Variants in NBEA observed in about 807,000 individuals in gnomAD.
NBEA encodes neurobeachin.
A neutral mutation model predicts 343.4 loss-of-function variants in NBEA; 44 were observed. The ratio of observed to expected loss-of-function variants is 0.13; its 90% CI spans 0.10 to 0.16. NBEA has a LOEUF of 0.16. NBEA is among the 10% of genes least tolerant of loss of function. The pLI is 1.00. For synonymous variants in NBEA, 1,175 were observed against 1,238.7 expected, an observed-to-expected ratio of 0.95 and a Z score of 1.08; for missense variants, 2,555 against 3,631.3, an observed-to-expected ratio of 0.70 and a Z score of 7.62.
chr13:35,250,251 T>G (rs934505237), intron 34 of NBEA, among the ~76,000 whole-genome samples: 3 of 152,140 alleles, frequency 2.0e-5, no homozygotes, highest in African/African-American at 7.2e-5. Flanking sequence ...AGTTTACCCA[T>G]AGACTGGAAA....
Position 35,628,187 on chromosome 13 carries a change from A to T in NBEA, c.7556A>T (p.His2519Leu). The change falls in exon 49 of 59, where the codon CAC (histidine) becomes CTC (leucine). Residue 2519 changes from histidine (H) to leucine (L), a missense_variant. Physicochemically the swap from His to Leu is moderately conservative, Grantham distance 99. This residue lies in a region of NBEA where 87 missense variants were observed against 75.0 expected (regional missense o/e 1.16). Transcript: ENST00000379939. The stretch of plus-strand genomic sequence containing the variant: ...GCAGTTCGTGCTCTGAATGTTTTTC[A>T]CTACTTGACTTATGAAGGCTCTGTG... ...PEAVRALNVF[H>L]YLTYEGSVNL... is the part of the protein sequence containing the mutation. 2 of 1,613,266 alleles carry T rather than the reference A, an allele frequency of 1.2e-6. No individual in the cohort carries two copies. Among genetic ancestry groups the T allele is most frequent in the Non-Finnish European group, 1.7e-6 (2 of 1,179,502 alleles).
intron 1 of NBEA, among the ~76,000 whole-genome samples, chr13:34,944,588 T>A (rs1199795203): frequency 1.3e-5 from 2 of 152,204 alleles, no homozygotes; most frequent in African/African-American, 4.8e-5. Context: ...CCAAGTTCTT[T>A]TCAGAACACT....
chr13:35,492,432 C>T (rs1388618184), intron 41 of NBEA, among the ~76,000 whole-genome samples: 3 of 151,674 alleles, frequency 2.0e-5, no homozygotes, highest in African/African-American at 4.8e-5. Flanking sequence ...GGTATTTGAA[C>T]ATATTTAGGG....
intron 51 of NBEA, among the ~76,000 whole-genome samples, chr13:35,648,467 C>T (rs936652282): frequency 5.3e-5 from 8 of 151,862 alleles, no homozygotes; most frequent in Non-Finnish European, 5.9e-5. Flanking sequence ...GTTTTATTCC[C>T]GTGTTAGTTT....
At chr13:35,312,414 A>C (rs975611026) in intron 36 of NBEA, among the ~76,000 whole-genome samples, 1 of 152,210 alleles carries the variant, frequency 6.6e-6, no homozygotes, top group Admixed American at 6.5e-5. Flanking sequence ...CGGCAAGAGA[A>C]TAGTGAGACA....
At chr13:35,539,500 A>G (rs1420174893) in intron 41 of NBEA, among the ~76,000 whole-genome samples, 2 of 152,190 alleles carry the variant, frequency 1.3e-5, no homozygotes, top group Non-Finnish European at 1.5e-5. Flanking sequence ...CACTTTTTAA[A>G]TACCTACTAT....
At chr13:34,986,556 T>A (rs1176277559) in intron 1 of NBEA, among the ~76,000 whole-genome samples, 2 of 150,848 alleles carry the variant, frequency 1.3e-5, no homozygotes, top group Non-Finnish European at 3.0e-5. Context: ...TAGGTCTGCT[T>A]GGTGCAGAGC....
intron 1 of NBEA, among the ~76,000 whole-genome samples, chr13:35,000,170 T>C (rs184097763): frequency 1.3e-5 from 2 of 152,246 alleles, no homozygotes; most frequent in East Asian, 3.9e-4. Flanking sequence ...CAGAAACTTT[T>C]TCATAGATCA....
intron 36 of NBEA, among the ~76,000 whole-genome samples, chr13:35,346,959 A>G (rs1227835472): frequency 1.3e-5 from 2 of 152,142 alleles, no homozygotes; most frequent in Admixed American, 1.3e-4. Flanking sequence ...GGAAGATGCC[A>G]CAAAGATATT....
At chr13:35,541,722 ATGGG>A (rs964740798) in intron 41 of NBEA, among the ~76,000 whole-genome samples, 40 of 98,664 alleles carry the variant, frequency 4.1e-4, no homozygotes, top group Non-Finnish European at 2.1e-5. Context: ...AGAGGTCTGC[ATGGG>A]TGTGTGTGTG....
At chr13:35,226,392 A>T (rs949840958) in intron 33 of NBEA, among the ~76,000 whole-genome samples, 1 of 152,142 alleles carries the variant, frequency 6.6e-6, no homozygotes, top group Non-Finnish European at 1.5e-5. Flanking sequence ...CAGGGAAAGA[A>T]TGTCTCTATC....
intron 34 of NBEA, among the ~76,000 whole-genome samples, chr13:35,239,227 G>A (rs940264405): frequency 2.0e-5 from 3 of 152,020 alleles, no homozygotes; most frequent in Non-Finnish European, 4.4e-5. Context: ...TAGGTGACAG[G>A]TATCTCATTG....
At chr13:35,244,351 G>A (rs1488527936) in intron 34 of NBEA, among the ~76,000 whole-genome samples, 1 of 151,800 alleles carries the variant, frequency 6.6e-6, no homozygotes, top group East Asian at 1.9e-4. Flanking sequence ...AATTATCCCA[G>A]CACCATTTGT....
At chr13:35,638,331 A>C (rs2153071497) in intron 49 of NBEA, among the ~76,000 whole-genome samples, 1 of 152,266 alleles carries the variant, frequency 6.6e-6, no homozygotes, top group South Asian at 2.1e-4. Flanking sequence ...CTATTTACAA[A>C]GGTATAGACA....
intron 1 of NBEA, among the ~76,000 whole-genome samples, chr13:34,959,881 A>G (rs1241860508): frequency 6.6e-6 from 1 of 152,168 alleles, no homozygotes; most frequent in African/African-American, 2.4e-5. Context: ...GTATAAAGGT[A>G]TAGCACATAC....
intron 41 of NBEA, among the ~76,000 whole-genome samples, chr13:35,512,063 T>A (rs765541964): frequency 3.3e-5 from 5 of 152,208 alleles, no homozygotes; most frequent in Admixed American, 6.5e-5. Context: ...ATTCAGGAAT[T>A]TTTAAAACCT....
chr13:35,283,325 G>A (rs2035181276), intron 34 of NBEA, among the ~76,000 whole-genome samples: 1 of 152,100 alleles, frequency 6.6e-6, no homozygotes, highest in Non-Finnish European at 1.5e-5. Context: ...TTTGGGTATT[G>A]TGTAACTACA....
In NBEA at chr13:35,123,482, G is replaced by C; in HGVS notation, c.2244G>C (p.Arg748Ser). The change falls in exon 17 of 59, where the codon AGG (arginine) becomes AGC (serine). Residue 748 changes from arginine (R) to serine (S), a missense_variant and splice_region_variant. Physicochemically the swap from Arg to Ser is moderately radical, Grantham distance 110. Coordinates refer to ENST00000379939, the MANE Select transcript of NBEA (RefSeq NM_001385012.1). The part of the protein sequence containing the change: ...IPAFDQRNGI[R>S]VIYKLLASKS... ...AAAAGATAATTTATATATTTTGTAG[G>C]GTGATCTACAAATTATTGGCTTCTA... 6.8e-7 allele frequency: 1 copy of C among 1,478,688 alleles called. No homozygotes were observed. 91.6% of individuals were successfully genotyped at this position (1,478,688 alleles called of 1,614,324 possible). A position where few individuals can be genotyped will look rare whatever the true frequency, so the allele number is the denominator to read the frequency against.
At chr13:35,663,085 A>G (rs974924156) in intron 55 of NBEA, among the ~76,000 whole-genome samples, 1 of 152,204 alleles carries the variant, frequency 6.6e-6, no homozygotes, top group African/African-American at 2.4e-5. Flanking sequence ...AGGATATCCA[A>G]CACCTCAGAC....
Sources: allele counts gnomAD v4.1 joint callset (sites outside exome capture counted in the v4.1 genomes callset), GRCh38; gene constraint gnomAD v4.1.1; regional missense constraint gnomAD v4.1.1; transcripts MANE v1.5; gene names NCBI Gene and HGNC (gene_info 2026-07-23, HGNC 2026-07-21).